Variants in ANTXR2 observed in about 807,000 individuals in gnomAD.
ANTXR2 encodes the protein anthrax toxin receptor 2.
ANTXR2 carries 44 observed loss-of-function variants against 73.7 expected under a neutral mutation model. The observed-to-expected ratio is 0.60, with a 90% CI of 0.47 to 0.77. The LOEUF (loss-of-function observed/expected upper bound fraction) is 0.77, where lower values mean the gene tolerates loss of function less well. ANTXR2 is among the 30% of genes least tolerant of loss of function. The probability of loss-of-function intolerance (pLI) is 0.00; values close to 1 mark genes in which losing one functional copy is unlikely to be tolerated. For missense variants in ANTXR2, 604 were observed against 592.5 expected, an observed-to-expected ratio of 1.02 and a Z score of -0.20; for synonymous variants, 217 against 205.9, an observed-to-expected ratio of 1.05 and a Z score of -0.46.
At chr4:79,976,794 G>T (rs183861647) in intron 16 of ANTXR2, among the ~76,000 whole-genome samples, 22 of 152,236 alleles carry the variant, frequency 1.4e-4, no homozygotes, top group Non-Finnish European at 2.4e-4. Context: ...GAGCCTTCCT[G>T]CCCTGCATCA....
At chr4:80,028,264 C>A (rs937852027) in intron 10 of ANTXR2, among the ~76,000 whole-genome samples, 15 of 152,076 alleles carry the variant, frequency 9.9e-5, no homozygotes, top group African/African-American at 3.6e-4. Flanking sequence ...TATACCTGGA[C>A]AGGATTTGCC....
chr4:80,042,497 T>TC (rs1733314524), intron 7 of ANTXR2, among the ~76,000 whole-genome samples: 1 of 151,944 alleles, frequency 6.6e-6, no homozygotes, highest in Non-Finnish European at 1.5e-5. Flanking sequence ...TTTGGTCCTC[T>TC]CCCCCTCACT....
At chr4:79,972,974 G>T (rs1259773337) in intron 16 of ANTXR2, among the ~76,000 whole-genome samples, 2 of 143,712 alleles carry the variant, frequency 1.4e-5, no homozygotes, top group East Asian at 1.9e-4. Flanking sequence ...TTGTTCACAA[G>T]AAGCCAACTG....
rs1753857973 is a variant in ANTXR2, at chr4:79,907,247, C to T, written c.*182G>A. The T allele has an allele frequency of 3.0e-6, 2 of 662,790 alleles. No homozygotes were observed. Among genetic ancestry groups the T allele is most frequent in the African/African-American group, 3.7e-5 (2 of 54,308 alleles). The allele number at this position is 662,790 out of a possible 1,614,324, so 41.1% of individuals were successfully genotyped here. ...ATCACCTCCCATGTAGATGGCAGAA[C>T]AAGTGTTTAGAAATGTTTGGTGCAA... On this transcript the variant is annotated 3_prime_UTR_variant, in exon 17 of 17. Transcript: ENST00000403729.
intron 16 of ANTXR2, among the ~76,000 whole-genome samples, chr4:79,956,240 T>C (rs1165700195): frequency 6.6e-6 from 1 of 152,146 alleles, no homozygotes; most frequent in African/African-American, 2.4e-5. Flanking sequence ...ATTCTGAATA[T>C]ATGTCAAATA....
chr4:79,998,717 G>C (rs1459804101), intron 12 of ANTXR2, among the ~76,000 whole-genome samples: 1 of 151,998 alleles, frequency 6.6e-6, no homozygotes, highest in Non-Finnish European at 1.5e-5. Context: ...GGCAGTTATA[G>C]AGGATGGATA....
At chr4:79,996,438 G>T (rs1370475174) in intron 12 of ANTXR2, among the ~76,000 whole-genome samples, 1 of 151,908 alleles carries the variant, frequency 6.6e-6, no homozygotes, top group East Asian at 1.9e-4. Context: ...GTAAGATAGA[G>T]TTTATCACCA....
intron 7 of ANTXR2, among the ~76,000 whole-genome samples, chr4:80,036,957 TA>T (rs1733005064): frequency 6.6e-6 from 1 of 152,140 alleles, no homozygotes; most frequent in African/African-American, 2.4e-5. Flanking sequence ...ATATTCTTTT[TA>T]AAAACACAGA....
chr4:79,919,865 TTATATATA>T (rs869257072), intron 16 of ANTXR2, among the ~76,000 whole-genome samples: 843 of 16,806 alleles, frequency 0.05, 8 homozygotes, highest in Admixed American at 0.069. Context: ...AATACATATT[TTATATATA>T]TATATATATA....
intron 7 of ANTXR2, among the ~76,000 whole-genome samples, chr4:80,047,918 G>C (rs1287090719): frequency 6.6e-6 from 1 of 151,556 alleles, no homozygotes; most frequent in East Asian, 1.9e-4. Flanking sequence ...TATTAACTGA[G>C]TTCTTGTCAT....
intron 16 of ANTXR2, chr4:79,964,809 C>T (rs1162655345): frequency 6.6e-6 from 1 of 152,222 alleles, no homozygotes; most frequent in African/African-American, 2.4e-5. Flanking sequence ...CGACAACCTG[C>T]TAGCTTACAC....
chr4:79,973,682 G>T (rs1040854249), intron 16 of ANTXR2, among the ~76,000 whole-genome samples: 2 of 152,152 alleles, frequency 1.3e-5, no homozygotes, highest in Non-Finnish European at 2.9e-5. Flanking sequence ...ACCTGTCTTG[G>T]CCTCCCAAAG....
At chr4:79,948,927 A>C (rs1728606153) in intron 16 of ANTXR2, among the ~76,000 whole-genome samples, 1 of 152,142 alleles carries the variant, frequency 6.6e-6, no homozygotes, top group South Asian at 2.1e-4. Context: ...TTTCATCATC[A>C]TCATTTCTTT....
At chr4:80,063,698 TA>T (rs915556848) in intron 3 of ANTXR2, among the ~76,000 whole-genome samples, 5 of 152,172 alleles carry the variant, frequency 3.3e-5, no homozygotes, top group Admixed American at 2.0e-4. Flanking sequence ...TACTTGCTTT[TA>T]AACTTAGTAT....
Position 80,031,680 on chromosome 4 carries a change from A to G in ANTXR2, c.809T>C (p.Val270Ala). The change falls in exon 10 of 17, where the codon GTA becomes GCA. Residue 270 changes from valine (V) to alanine (A), a missense_variant. Transcript: ENST00000403729. ...NETYTTSVKP[V>A]SVQLNSMLCP... is the part of the protein sequence containing the mutation. ...AAGCATAGAATTAAGCTGTACACTT[A>G]CTGGTTTTACACCTAGAAAATAAAA... The G allele has an allele frequency of 6.6e-7, 1 of 1,507,152 alleles. No homozygotes were observed. Among genetic ancestry groups the G allele is most frequent in the Non-Finnish European group, 8.8e-7 (1 of 1,133,732 alleles). The allele number at this position is 1,507,152 out of a possible 1,614,324, so 93.4% of individuals were successfully genotyped here. A position where few individuals can be genotyped will look rare whatever the true frequency, so the allele number is the denominator to read the frequency against.
At chr4:80,038,936 A>G (rs1028081094) in intron 7 of ANTXR2, among the ~76,000 whole-genome samples, 15 of 152,094 alleles carry the variant, frequency 9.9e-5, no homozygotes, top group Non-Finnish European at 1.5e-5. Flanking sequence ...GAGGAAAGAA[A>G]TGAGATTGAA....
At chr4:79,954,859 A>C (rs1237181959) in intron 16 of ANTXR2, among the ~76,000 whole-genome samples, 1 of 152,170 alleles carries the variant, frequency 6.6e-6, no homozygotes, top group Non-Finnish European at 1.5e-5. Context: ...CCACTTAATA[A>C]AATGAGTCTA....
At chr4:79,957,288 TGCA>T (rs1459580566) in intron 16 of ANTXR2, among the ~76,000 whole-genome samples, 3 of 152,106 alleles carry the variant, frequency 2.0e-5, no homozygotes, top group African/African-American at 7.2e-5. Context: ...CCTTAATGCC[TGCA>T]GATTTTTGCA....
chr4:79,933,867 T>C (rs1728156955), intron 16 of ANTXR2, among the ~76,000 whole-genome samples: 1 of 151,192 alleles, frequency 6.6e-6, no homozygotes, highest in African/African-American at 2.4e-5. Flanking sequence ...TCGGAATAGC[T>C]GGGACTACAG....
Sources: gnomAD v4.1 joint callset for allele counts (sites outside exome capture counted in the v4.1 genomes callset) on GRCh38, gnomAD v4.1.1 for gene constraint, MANE v1.5 for transcripts, NCBI Gene and HGNC (gene_info 2026-07-23, HGNC 2026-07-21) for gene names.